The following HPSE2 variants were observed in gnomAD, a reference collection of about 807,000 sequenced individuals.
The protein encoded by HPSE2 is inactive heparanase-2.
HPSE2 carries 38 observed loss-of-function variants against 60.5 expected under a neutral mutation model. The observed-to-expected ratio is 0.63, with a 90% CI of 0.48 to 0.82. HPSE2 has a LOEUF of 0.82. Ranked by LOEUF, HPSE2 falls within the 40% of genes least tolerant of loss-of-function variation. The pLI is 0.00. For synonymous variants in HPSE2, 295 were observed against 293.2 expected (o/e 1.01, Z -0.06); for missense variants, 713 against 740.4 (o/e 0.96, Z 0.43).
the HPSE2 span, among the ~76,000 whole-genome samples, chr10:99,280,021 C>T: frequency 6.6e-6 from 1 of 152,210 alleles, no homozygotes; most frequent in Non-Finnish European, 1.5e-5. Flanking sequence ...GGGCTATGCA[C>T]AGAGCCTGTG....
intron 3 of HPSE2, among the ~76,000 whole-genome samples, chr10:99,043,019 C>A (rs141825476): frequency 1.1e-3 from 172 of 152,226 alleles, no homozygotes; most frequent in African/African-American, 4.0e-3. Flanking sequence ...GAGCCTTGAC[C>A]CACTAAAAAC....
At chr10:99,134,781 A>G (rs983782007) in intron 3 of HPSE2, among the ~76,000 whole-genome samples, 6 of 152,222 alleles carry the variant, frequency 3.9e-5, no homozygotes, top group South Asian at 4.1e-4. Context: ...AAATTGTAAG[A>G]GCATCAACAC....
At chr10:98,830,583 G>T (rs1951662350) in intron 3 of HPSE2, among the ~76,000 whole-genome samples, 1 of 152,178 alleles carries the variant, frequency 6.6e-6, no homozygotes, top group Non-Finnish European at 1.5e-5. Context: ...TAGCTACTAA[G>T]TCTAATTCTA....
At chr10:98,815,008 G>A (rs1951253031) in intron 3 of HPSE2, among the ~76,000 whole-genome samples, 1 of 152,180 alleles carries the variant, frequency 6.6e-6, no homozygotes, top group Non-Finnish European at 1.5e-5. Flanking sequence ...GCAGTTGCCC[G>A]AGCCTGTCCA....
intron 3 of HPSE2, among the ~76,000 whole-genome samples, chr10:98,765,211 T>G (rs187497038): frequency 5.9e-5 from 9 of 152,316 alleles, no homozygotes; most frequent in Admixed American, 1.3e-4. Context: ...GTAAAGTACA[T>G]TCTTTAGCAG....
the HPSE2 span, among the ~76,000 whole-genome samples, chr10:99,261,445 G>A: frequency 6.6e-6 from 1 of 152,198 alleles, no homozygotes; most frequent in South Asian, 2.1e-4. Flanking sequence ...GCATAGTCAA[G>A]GTTAATGCTC....
intron 3 of HPSE2, among the ~76,000 whole-genome samples, chr10:99,077,194 T>G (rs978298116): frequency 2.6e-5 from 4 of 152,192 alleles, no homozygotes; most frequent in African/African-American, 9.7e-5. Context: ...TGTGGATGTC[T>G]TTGGATTCAT....
At chr10:98,892,838 G>GT (rs1488547041) in intron 3 of HPSE2, among the ~76,000 whole-genome samples, 2 of 152,156 alleles carry the variant, frequency 1.3e-5, no homozygotes, top group South Asian at 2.1e-4. Flanking sequence ...TAACATTGTG[G>GT]TTTTTTTCTT....
At chr10:99,155,984 A>C (rs1357754716) in intron 2 of HPSE2, among the ~76,000 whole-genome samples, 2 of 151,554 alleles carry the variant, frequency 1.3e-5, no homozygotes, top group African/African-American at 2.4e-5. Context: ...CTACGCAAAT[A>C]AACTAGAAAA....
At chr10:98,854,466 C>T (rs988008377) in intron 3 of HPSE2, among the ~76,000 whole-genome samples, 2 of 152,164 alleles carry the variant, frequency 1.3e-5, no homozygotes, top group African/African-American at 4.8e-5. Context: ...TTTTCAACTT[C>T]TCATTTAGGA....
chr10:99,267,776 TCAAAAAAAAAAAA>T, the HPSE2 span, among the ~76,000 whole-genome samples: 1 of 83,902 alleles, frequency 1.2e-5, no homozygotes, highest in African/African-American at 3.1e-5. Flanking sequence ...CGAGACTCCA[TCAAAAAAAAAAAA>T]CAAAAAACAA....
At chr10:99,119,016 A>G (rs184348475) in intron 3 of HPSE2, among the ~76,000 whole-genome samples, 2 of 151,494 alleles carry the variant, frequency 1.3e-5, no homozygotes, top group Admixed American at 1.3e-4. Context: ...ATGAAAAGAA[A>G]GAAAGAAAGG....
At chr10:99,101,748 A>G (rs1844001817) in intron 3 of HPSE2, among the ~76,000 whole-genome samples, 1 of 152,230 alleles carries the variant, frequency 6.6e-6, no homozygotes, top group Non-Finnish European at 1.5e-5. Flanking sequence ...AGCACTCCTC[A>G]GCAAATGTAA....
At chr10:98,525,941 T>C (rs947613079) in intron 9 of HPSE2, among the ~76,000 whole-genome samples, 2 of 152,254 alleles carry the variant, frequency 1.3e-5, no homozygotes, top group African/African-American at 4.8e-5. Context: ...TAGATGCTCC[T>C]ATGCATGCAA....
intron 3 of HPSE2, among the ~76,000 whole-genome samples, chr10:99,093,538 T>C (rs1300540752): frequency 2.6e-5 from 4 of 152,080 alleles, no homozygotes; most frequent in Non-Finnish European, 4.4e-5. Context: ...AAGTCTAAGG[T>C]TGAGGCACCC....
chr10:99,016,437 CCT>C, intron 3 of HPSE2, among the ~76,000 whole-genome samples: 1 of 152,154 alleles, frequency 6.6e-6, no homozygotes, highest in East Asian at 1.9e-4. Context: ...TTACTGTAGT[CCT>C]GTGGTATAGT....
At chr10:98,812,550 G>A (rs1045908692) in intron 3 of HPSE2, among the ~76,000 whole-genome samples, 4 of 152,076 alleles carry the variant, frequency 2.6e-5, no homozygotes, top group African/African-American at 9.7e-5. Flanking sequence ...GCCCAGAAAA[G>A]CAAGGCACAT....
In HPSE2 at chr10:98,544,545, C is replaced by T. The variant is rs574085685; in HGVS notation, c.1321-54349G>A. On this transcript the variant is annotated intron_variant, in intron 9 of 11. Coordinates refer to ENST00000370552, the MANE Select transcript of HPSE2 (RefSeq NM_021828.5). ...CTAACACAGTGAAACCCCGTCTCTA[C>T]TAAAAAACACAAAAAAAATTAGCCG... Among the ~76,000 whole-genome samples the T allele has an allele frequency of 2.6e-5, 4 of 151,692 alleles. No homozygotes were observed. In the South Asian group the frequency reaches 8.4e-4, roughly 32 times the overall value.
intron 3 of HPSE2, among the ~76,000 whole-genome samples, chr10:99,003,418 G>A (rs1303680237): frequency 6.6e-6 from 1 of 152,058 alleles, no homozygotes; most frequent in Non-Finnish European, 1.5e-5. Context: ...TTTGAGGAAT[G>A]TGCATTCTAT....
Sources: gnomAD v4.1 joint callset for allele counts (sites outside exome capture counted in the v4.1 genomes callset) on GRCh38, gnomAD v4.1.1 for gene constraint, MANE v1.5 for transcripts, NCBI Gene and HGNC (gene_info 2026-07-23, HGNC 2026-07-21) for gene names.